Variants in SMYD3 observed in about 807,000 individuals in gnomAD.
SMYD3 encodes histone-lysine N-methyltransferase SMYD3.
SMYD3 carries 36 observed loss-of-function variants against 57.7 expected under a neutral mutation model. The observed-to-expected ratio is 0.62, with a 90% confidence interval of 0.48 to 0.82. The LOEUF (loss-of-function observed/expected upper bound fraction) is 0.82. SMYD3 is among the 40% of genes least tolerant of loss of function. The pLI is 0.00. For missense variants in SMYD3, 515 were observed against 538.8 expected (o/e 0.96, Z 0.44); for synonymous variants, 211 against 195.0 (o/e 1.08, Z -0.68).
Position 246,119,614 on chromosome 1 carries a change from T to C in SMYD3, c.532-189677A>G, listed in dbSNP as rs181345905. Among the ~76,000 whole-genome samples, 576 of 152,022 alleles carry C rather than the reference T, an allele frequency of 3.8e-3. 5 individuals carry two copies. Among genetic ancestry groups the C allele is most frequent in the Non-Finnish European group, 5.4e-3 (368 of 67,966 alleles). On this transcript the variant is annotated intron_variant, in intron 5 of 11. Transcript: ENST00000490107. ...TGTTAGTAGAGACGGGATTTCACCATGTTGGCCAGGCTGATCTCGAACTCC... is the reference window on the plus strand; with the variant it reads ...TGTTAGTAGAGACGGGATTTCACCACGTTGGCCAGGCTGATCTCGAACTCC...
At chr1:245,992,900 G>A (rs1225158290) in intron 5 of SMYD3, among the ~76,000 whole-genome samples, 4 of 49,320 alleles carry the variant, frequency 8.1e-5, no homozygotes, top group Admixed American at 2.2e-4. Flanking sequence ...GTCATGGATC[G>A]GCCACTTCTA....
At chr1:246,136,439 C>A (rs2061666677) in intron 5 of SMYD3, among the ~76,000 whole-genome samples, 1 of 152,150 alleles carries the variant, frequency 6.6e-6, no homozygotes, top group South Asian at 2.1e-4. Flanking sequence ...TGAGATAGAA[C>A]CTTCTTTTGT....
intron 10 of SMYD3, among the ~76,000 whole-genome samples, chr1:245,797,748 TCAGGTCCACTG>T (rs2047604621): frequency 6.7e-6 from 1 of 149,046 alleles, no homozygotes; most frequent in Non-Finnish European, 1.5e-5. Flanking sequence ...TAAGGAGATT[TCAGGTCCACTG>T]CAGACGCCCC....
chr1:246,017,655 T>C (rs1219763066), intron 5 of SMYD3, among the ~76,000 whole-genome samples: 2 of 152,186 alleles, frequency 1.3e-5, no homozygotes, highest in Non-Finnish European at 2.9e-5. Context: ...GTTATTAATT[T>C]TGATCACTAG....
At chr1:245,950,846 T>C (rs867195389) in intron 5 of SMYD3, among the ~76,000 whole-genome samples, 5 of 152,312 alleles carry the variant, frequency 3.3e-5, no homozygotes, top group South Asian at 2.1e-4. Flanking sequence ...AAACGTAAAT[T>C]CACATTTCTT....
intron 1 of SMYD3, among the ~76,000 whole-genome samples, chr1:246,495,085 C>T (rs555436718): frequency 6.6e-5 from 10 of 152,270 alleles, no homozygotes; most frequent in African/African-American, 2.2e-4. Context: ...CGCGGTGGCT[C>T]ACGCCTGTAA....
At chr1:245,895,769 C>A (rs958527387) in intron 8 of SMYD3, among the ~76,000 whole-genome samples, 15 of 152,252 alleles carry the variant, frequency 9.9e-5, no homozygotes, top group Non-Finnish European at 2.9e-5. Context: ...AGTTCCCACA[C>A]AGCACCAGCA....
At chr1:246,427,889 G>A (rs1365627997) in intron 1 of SMYD3, among the ~76,000 whole-genome samples, 2 of 152,064 alleles carry the variant, frequency 1.3e-5, no homozygotes, top group Non-Finnish European at 2.9e-5. Context: ...GAAGAATTTA[G>A]AATTTAGAGG....
intron 8 of SMYD3, among the ~76,000 whole-genome samples, chr1:245,900,816 T>C (rs2054136535): frequency 6.6e-6 from 1 of 152,208 alleles, no homozygotes. Context: ...TTCAAGAGCC[T>C]TCTCATTTCC....
At chr1:246,121,261 T>C (rs1027923083) in intron 5 of SMYD3, among the ~76,000 whole-genome samples, 2 of 152,066 alleles carry the variant, frequency 1.3e-5, no homozygotes, top group East Asian at 3.9e-4. Flanking sequence ...AGTAAATGTG[T>C]AGCAACAAAG....
chr1:245,787,483 T>C (rs1008915369), intron 10 of SMYD3, among the ~76,000 whole-genome samples: 1 of 152,212 alleles, frequency 6.6e-6, no homozygotes, highest in Non-Finnish European at 1.5e-5. Context: ...TCTCTTTCAC[T>C]TGGGCTGAAG....
At chr1:246,316,723 C>T (rs2148642960) in intron 5 of SMYD3, among the ~76,000 whole-genome samples, 2 of 146,554 alleles carry the variant, frequency 1.4e-5, no homozygotes, top group Admixed American at 6.8e-5. Flanking sequence ...AGGCCAGGCA[C>T]GGTGGCTCAT....
chr1:246,091,765 T>G (rs1312533074), intron 5 of SMYD3, among the ~76,000 whole-genome samples: 1 of 152,252 alleles, frequency 6.6e-6, no homozygotes, highest in Admixed American at 6.5e-5. Flanking sequence ...CAGGTATGAG[T>G]GATTAGCATG....
At chr1:246,229,203 C>G (rs1486103601) in intron 5 of SMYD3, among the ~76,000 whole-genome samples, 4 of 152,006 alleles carry the variant, frequency 2.6e-5, no homozygotes, top group Non-Finnish European at 5.9e-5. Context: ...TTCAAAAATT[C>G]TACATTACCG....
At chr1:246,434,413 GT>G (rs2067340110) in intron 1 of SMYD3, among the ~76,000 whole-genome samples, 1 of 152,212 alleles carries the variant, frequency 6.6e-6, no homozygotes, top group African/African-American at 2.4e-5. Context: ...TCCGACAAAG[GT>G]CTAATATCCA....
chr1:246,254,729 G>T (rs978384928), intron 5 of SMYD3, among the ~76,000 whole-genome samples: 1 of 152,152 alleles, frequency 6.6e-6, no homozygotes, highest in Non-Finnish European at 1.5e-5. Context: ...GGGCAGAATG[G>T]CCATTTTAGT....
rs1422573092 is a variant in SMYD3 at position 246,348,743 on chromosome 1, G to A, written c.228+6288C>T. Among the ~76,000 whole-genome samples the A allele has an allele frequency of 2.0e-5, 3 of 151,668 alleles. No homozygotes were observed. In the East Asian group the frequency reaches 5.8e-4, roughly 29 times the overall value. On this transcript the variant is annotated intron_variant, in intron 2 of 11. Coordinates refer to ENST00000490107, the MANE Select transcript of SMYD3 (RefSeq NM_001167740.2). ...TAGAAAACCCGCACATGTACCCCCA[G>A]AATCTAAAATAAATGTTGAAAACAA... is the stretch of plus-strand genomic sequence containing the variant.
intron 5 of SMYD3, among the ~76,000 whole-genome samples, chr1:246,059,989 A>C (rs1480225215): frequency 3.3e-5 from 5 of 151,312 alleles, no homozygotes; most frequent in Non-Finnish European, 7.4e-5. Context: ...TATTGCTTTA[A>C]AAAAAAAAGT....
At position 246,266,108 on chromosome 1, in the gene SMYD3, A is replaced by AC. The variant is rs1334820028; in HGVS notation, c.531+61092dup. Among the ~76,000 whole-genome samples the AC allele has an allele frequency of 6.6e-5, 10 of 152,192 alleles. No individual in the cohort carries two copies. In the East Asian group the frequency reaches 1.5e-3, roughly 24 times the overall value. ...GCTGAACACCTGATTTTAAAAGGGA[A>AC]CCCCACAAATCCCCTTTAACCACTC... On this transcript the variant is annotated intron_variant, in intron 5 of 11. Coordinates refer to ENST00000490107, the MANE Select transcript of SMYD3 (RefSeq NM_001167740.2).
Sources: gnomAD v4.1 joint callset for allele counts (sites outside exome capture counted in the v4.1 genomes callset) on GRCh38, gnomAD v4.1.1 for gene constraint, MANE v1.5 for transcripts, NCBI Gene and HGNC (gene_info 2026-07-23, HGNC 2026-07-21) for gene names.